The following CCDC136 variants were observed in gnomAD, a reference collection of about 807,000 sequenced individuals.
CCDC136 encodes coiled-coil domain containing 136.
In CCDC136, 100 loss-of-function variants were observed where a neutral mutation model predicts 141.2. The ratio of observed to expected loss-of-function variants is 0.71; its 90% CI spans 0.60 to 0.84. The LOEUF is 0.84. Among genes scored for constraint, CCDC136 ranks in the 40% least tolerant of loss-of-function variants. CCDC136 has a pLI of 0.00. For synonymous variants in CCDC136, 474 were observed against 531.9 expected, an observed-to-expected ratio of 0.89 and a Z score of 1.50; for missense variants, 1,206 against 1,379.4, an observed-to-expected ratio of 0.87 and a Z score of 1.99.
Position 128,796,739 on chromosome 7 carries a change from A to ATATATATAT in CCDC136, c.346+1972_346+1973insATATATATT. 4.9e-4 allele frequency among the ~76,000 whole-genome samples: 56 copies of ATATATATAT among 113,374 alleles called. 1 individual carries two copies. The highest frequency in any genetic ancestry group is 2.5e-3 in the African/African-American group (55 of 21,806). The allele number at this position is 113,374 out of a possible 152,430, so 74.4% of individuals were successfully genotyped here. A position where few individuals can be genotyped will look rare whatever the true frequency, so the allele number is the denominator to read the frequency against. On this transcript the variant is annotated intron_variant, in intron 3 of 17. Coordinates refer to ENST00000297788, the MANE Select transcript of CCDC136 (RefSeq NM_022742.5). ...TGATTCAGAATATATATATATATATATTCTTTTTTTTTTTTTTTTTGAGAC... is the reference window on the plus strand; with the variant it reads ...TGATTCAGAATATATATATATATATATATATATATTTCTTTTTTTTTTTTTTTTTGAGAC...
chr7:128,806,115 C>A, intron 7 of CCDC136, 122 bp from the exon 8 acceptor site: 1 of 1,048,194 alleles, frequency 9.5e-7, no homozygotes, highest in African/African-American at 1.6e-5. Flanking sequence ...CAGAAGAAAC[C>A]AAACCCTAGA....
Position 128,801,171 on chromosome 7 carries a change from C to T in CCDC136, c.347-15C>T. On this transcript the variant is annotated splice_polypyrimidine_tract_variant and intron_variant, in intron 3 of 17. Transcript: ENST00000297788. ...CACCTGCCCTCTTGATCATCTCAAC[C>T]TTTGGACTTTGCAGGTGAGCTGCGT... 6.2e-7 allele frequency: 1 copy of T among 1,601,392 alleles called. No individual in the cohort carries two copies. The highest frequency in any genetic ancestry group is 1.1e-5 in the South Asian group (1 of 90,142).
chr7:128,814,309 C>T (rs914186674), intron 14 of CCDC136, among the ~76,000 whole-genome samples: 1 of 152,090 alleles, frequency 6.6e-6, no homozygotes. Context: ...TGGTCTCGAA[C>T]TCCTGACCTC....
In CCDC136 at chr7:128,814,772, G is replaced by A; in HGVS notation, c.2898G>A (p.Gln966=). The A allele has an allele frequency of 6.2e-7, 1 of 1,613,500 alleles. No homozygotes were observed. The highest frequency in any genetic ancestry group is 8.5e-7 in the Non-Finnish European group (1 of 1,179,632). ...AGTGCTGCCAGGAGGAGCTCCGCCA[G>A]CTCAGGGAGAAGAGGCCTTCTGTTG... ...QLQCCQEELR[Q]LREKRPSVVK... Residue 966 remains glutamine, a synonymous_variant, in exon 15 of 18, where the codon CAG becomes CAA. Coordinates refer to ENST00000297788, the MANE Select transcript of CCDC136 (RefSeq NM_022742.5).
chr7:128,791,955 C>T, upstream of CCDC136: 1 of 1,023,910 alleles, frequency 9.8e-7, no homozygotes, highest in Non-Finnish European at 1.2e-6. The surrounding 1 kb of genome is among the most constrained non-coding windows in gnomAD (Gnocchi z 7.1). Context: ...GCACGCCCCC[C>T]ACTCCTCCCT....
Position 128,800,391 on chromosome 7 carries a change from A to G in CCDC136, c.347-795A>G, listed in dbSNP as rs144253889. Among the ~76,000 whole-genome samples the G allele has an allele frequency of 4.6e-3, 705 of 152,098 alleles. 7 individuals carry two copies. The highest frequency in any genetic ancestry group is 0.016 in the African/African-American group (662 of 41,462). On this transcript the variant is annotated intron_variant, in intron 3 of 17. Transcript: ENST00000297788. ...CAGCAACCTCTGCCTCCCGGGCTCA[A>G]ATGATTCTCCTGTCTCAGCCTCCCA...
intron 17 of CCDC136, among the ~76,000 whole-genome samples, chr7:128,818,530 G>A (rs1043025517): frequency 4.6e-5 from 7 of 152,214 alleles, no homozygotes; most frequent in Non-Finnish European, 1.0e-4. Flanking sequence ...ACAGAATGCC[G>A]GGAAATTTTA....
In CCDC136 at chr7:128,817,876, G is replaced by A; in HGVS notation, c.*5+12G>A. On this transcript the variant is annotated intron_variant, in intron 17 of 17. Coordinates refer to ENST00000297788, the MANE Select transcript of CCDC136 (RefSeq NM_022742.5). This position sits in a 1 kb window ranked among gnomAD's most constrained non-coding sequence, Gnocchi z 4.6. ...TCGTCCTAATGCAGGTACTGGTATTGCTTCCTCTCCTTCTGAGGGATAGAG... is the reference window on the plus strand; with the variant it reads ...TCGTCCTAATGCAGGTACTGGTATTACTTCCTCTCCTTCTGAGGGATAGAG... 1 of 1,601,512 alleles carries A rather than the reference G, an allele frequency of 6.2e-7. No individual in the cohort carries two copies. Among genetic ancestry groups the A allele is most frequent in the Non-Finnish European group, 8.6e-7 (1 of 1,168,632 alleles).
In CCDC136 at chr7:128,794,388, AGAGGAAGAG is replaced by A. The variant is rs749488173; in HGVS notation, c.66_74del (p.Glu24_Glu26del). The stretch of plus-strand genomic sequence containing the variant: ...CAGCTCTCTATGAGGAGGAAGAGGA[AGAGGAAGAG>A]GAGGAAGAAGAGGTGGAAGAAGAAG... On this transcript the variant is annotated inframe_deletion, in exon 2 of 18. Transcript: ENST00000297788. This position sits in a 1 kb window ranked among gnomAD's most constrained non-coding sequence, Gnocchi z 4.3. The A allele has an allele frequency of 1.3e-6, 2 of 1,554,748 alleles. No homozygotes were observed. Among genetic ancestry groups the A allele is most frequent in the African/African-American group, 2.7e-5 (2 of 73,198 alleles).
intron 3 of CCDC136, among the ~76,000 whole-genome samples, chr7:128,795,691 G>A (rs1802841898): frequency 6.6e-6 from 1 of 152,044 alleles, no homozygotes; most frequent in African/African-American, 2.4e-5. Context: ...CTAGATTCCT[G>A]GGCCCAGCTA....
At chr7:128,791,628 G>T (rs1180722606), upstream of CCDC136, 6 of 970,036 alleles carry the variant, frequency 6.2e-6, no homozygotes, top group East Asian at 2.0e-4. This position sits in a 1 kb window ranked among gnomAD's most constrained non-coding sequence, Gnocchi z 7.1. Flanking sequence ...AGACCCCCAG[G>T]TGCTCCCGGC....
chr7:128,799,473 C>T (rs1803651702), intron 3 of CCDC136, among the ~76,000 whole-genome samples: 1 of 151,668 alleles, frequency 6.6e-6, no homozygotes, highest in African/African-American at 2.4e-5. Flanking sequence ...ATCTATTGAG[C>T]TTCGTTTTCA....
chr7:128,820,472 G>A lies in CCDC136; in HGVS notation c.*6-1327G>A, dbSNP rs539301325. On this transcript the variant is annotated intron_variant, in intron 17 of 17. Coordinates refer to ENST00000297788, the MANE Select transcript of CCDC136 (RefSeq NM_022742.5). The stretch of plus-strand genomic sequence containing the variant: ...TGCCTTTGCCCAGTGTGAGGTGCAC[G>A]GGTCACATTTAAGGATTTCAGCTCC... 9.0e-4 allele frequency among the ~76,000 whole-genome samples: 137 copies of A among 152,306 alleles called. 1 individual carries two copies. Among genetic ancestry groups the A allele is most frequent in the African/African-American group, 3.1e-3 (127 of 41,554 alleles).
chr7:128,806,964 G>T, intron 9 of CCDC136, 106 bp downstream of exon 9: 2 of 1,199,890 alleles, frequency 1.7e-6, no homozygotes, highest in Non-Finnish European at 2.3e-6. Flanking sequence ...GGAGCTGGCA[G>T]TGAGGGGGCC....
At chr7:128,801,715 G>A (rs1463775180) in intron 4 of CCDC136, among the ~76,000 whole-genome samples, 2 of 152,138 alleles carry the variant, frequency 1.3e-5, no homozygotes, top group East Asian at 1.9e-4. Context: ...AGGATCACTC[G>A]AGCCCAGGCA....
rs777906366 is a variant in CCDC136 at position 128,794,258 on chromosome 7, C to T, written c.17-90C>T. The T allele has an allele frequency of 3.9e-6, 6 of 1,536,348 alleles. No individual in the cohort carries two copies. The highest frequency in any genetic ancestry group is 1.2e-5 in the South Asian group (1 of 83,048). On this transcript the variant is annotated intron_variant, in intron 1 of 17. Coordinates refer to ENST00000297788, the MANE Select transcript of CCDC136 (RefSeq NM_022742.5). This position sits in a 1 kb window ranked among gnomAD's most constrained non-coding sequence, Gnocchi z 4.3. ...ACCAGGTGGCACTAGTATGTCATCTCTGCCCTGGCATAGTGAGTTTGAGGG... is the reference window on the plus strand; with the variant it reads ...ACCAGGTGGCACTAGTATGTCATCTTTGCCCTGGCATAGTGAGTTTGAGGG...
Position 128,792,115 on chromosome 7 carries a change from C to A in CCDC136, c.-297C>A. The A allele has an allele frequency of 7.1e-7, 1 of 1,400,466 alleles. No individual in the cohort carries two copies. The highest frequency in any genetic ancestry group is 9.2e-7 in the Non-Finnish European group (1 of 1,082,372). The allele number at this position is 1,400,466 out of a possible 1,614,324, so 86.8% of individuals were successfully genotyped here. A position where few individuals can be genotyped will look rare whatever the true frequency, so the allele number is the denominator to read the frequency against. ...TGCAAGCAAGAGGGTCCTGGAACAG[C>A]GGGTTCTGAGGAGGCTGGGAGGCAG... On this transcript the variant is annotated 5_prime_UTR_variant, in exon 1 of 18. Transcript: ENST00000297788.
rs2128904373 is a variant in CCDC136 at position 128,801,433 on chromosome 7, C to T, written c.594C>T (p.Ser198=). 2.5e-6 allele frequency: 4 copies of T among 1,613,424 alleles called. No individual in the cohort carries two copies. Among genetic ancestry groups the T allele is most frequent in the Non-Finnish European group, 3.4e-6 (4 of 1,179,720 alleles). The change falls in exon 4 of 18, where the codon TCC becomes TCT. Residue 198 remains serine (S), a synonymous_variant. Coordinates refer to ENST00000297788, the MANE Select transcript of CCDC136 (RefSeq NM_022742.5). The part of the protein sequence containing the change: ...IRGDYEMEIA[S]LRAEMEMKSS... The stretch of plus-strand genomic sequence containing the variant: ...GAGATTATGAGATGGAGATCGCCTC[C>T]CTCCGTGCAGAAATGGAAATGAAGA...
chr7:128,790,945 G>A (rs1350412801), upstream of CCDC136: 1 of 152,326 alleles, frequency 6.6e-6, no homozygotes, highest in East Asian at 1.9e-4. This position sits in a 1 kb window ranked among gnomAD's most constrained non-coding sequence, Gnocchi z 5.4. Flanking sequence ...GGGTGGGCAG[G>A]GCCTGGGGCC....
Sources: allele counts gnomAD v4.1 joint callset (sites outside exome capture counted in the v4.1 genomes callset), GRCh38; gene constraint gnomAD v4.1.1; non-coding constraint Gnocchi (gnomAD v3.1); transcripts MANE v1.5; gene names NCBI Gene and HGNC (gene_info 2026-07-23, HGNC 2026-07-21).